The following C11orf65 variants were observed in gnomAD, a reference collection of about 807,000 sequenced individuals.
C11orf65 encodes protein MFI.
In C11orf65, 38 loss-of-function variants were observed where a neutral mutation model predicts 35.3. The observed-to-expected ratio is 1.08, with a 90% CI of 0.83 to 1.41. The LOEUF is 1.41. Ranked by LOEUF, C11orf65 falls within the 40% of genes most tolerant of loss-of-function variation. The probability of loss-of-function intolerance (pLI) is 0.00; values close to 1 mark genes in which losing one functional copy is unlikely to be tolerated. For synonymous variants in C11orf65, 105 were observed against 114.4 expected (o/e 0.92, Z 0.53); for missense variants, 370 against 367.1 (o/e 1.01, Z -0.06).
intron 2 of C11orf65, among the ~76,000 whole-genome samples, chr11:108,362,374 T>C (rs2090871908): frequency 6.6e-6 from 1 of 151,640 alleles, no homozygotes. Context: ...GTTCAACCAT[T>C]GTGGAAGTCA....
intron 2 of C11orf65, among the ~76,000 whole-genome samples, chr11:108,361,798 C>T (rs1454996595): frequency 2.6e-5 from 4 of 152,126 alleles, no homozygotes; most frequent in Middle Eastern, 3.2e-3. Context: ...AAAATTAACT[C>T]AAGATGGATT....
chr11:108,422,474 C>T (rs1280276420), intron 3 of C11orf65, among the ~76,000 whole-genome samples: 5 of 152,182 alleles, frequency 3.3e-5, no homozygotes, highest in African/African-American at 7.2e-5. Flanking sequence ...CAGACCAATA[C>T]ATAAATGGCC....
chr11:108,462,639 A>G (rs2093485847), intron 1 of C11orf65: 1 of 152,160 alleles, frequency 6.6e-6, no homozygotes, highest in Admixed American at 6.6e-5. Flanking sequence ...CTAAAATTAG[A>G]CCTTATGTGG....
chr11:108,337,507 C>T (rs2136749894), intron 2 of C11orf65, among the ~76,000 whole-genome samples: 1 of 152,284 alleles, frequency 6.6e-6, no homozygotes, highest in East Asian at 1.9e-4. Context: ...GATCCCCATT[C>T]TTAGAATTTC....
At chr11:108,382,143 A>G (rs1441407908), downstream of C11orf65, among the ~76,000 whole-genome samples, 1 of 152,192 alleles carries the variant, frequency 6.6e-6, no homozygotes, top group Admixed American at 6.5e-5. Flanking sequence ...ACCTCCTGCG[A>G]GACTTCAAGC....
At chr11:108,392,143 C>T (rs2092178711) in intron 7 of C11orf65, among the ~76,000 whole-genome samples, 1 of 151,966 alleles carries the variant, frequency 6.6e-6, no homozygotes, top group Admixed American at 6.6e-5. Flanking sequence ...TACGTCCTGG[C>T]TCAAGAGAAC....
At chr11:108,319,818 C>T in intron 6 of C11orf65, 1 of 653,820 alleles carries the variant, frequency 1.5e-6, no homozygotes, top group Non-Finnish European at 2.7e-6. Context: ...TATTTCTTAC[C>T]AAAAATTCTA....
At position 108,335,857 on chromosome 11, in the gene C11orf65, C is replaced by T. The variant is rs587782399; in HGVS notation, c.227-565G>A. 2 of 1,613,596 alleles carry T rather than the reference C, an allele frequency of 1.2e-6. No homozygotes were observed. The highest frequency in any genetic ancestry group is 4.5e-5 in the East Asian group (2 of 44,854). ...AATTATTCTGAAGGGCCGTGATGAC[C>T]TGAGACAAGATGCTGTCATGCAACA... On this transcript the variant is annotated intron_variant, in intron 2 of 3. Transcript: ENST00000524755.
chr11:108,418,178 C>A (rs1300882870), intron 3 of C11orf65, among the ~76,000 whole-genome samples: 1 of 152,080 alleles, frequency 6.6e-6, no homozygotes, highest in Admixed American at 6.6e-5. Flanking sequence ...ACATATCTCT[C>A]AGTAACTGAT....
downstream of C11orf65, chr11:108,331,225 A>G: frequency 8.0e-7 from 1 of 1,249,316 alleles, no homozygotes; most frequent in Non-Finnish European, 1.0e-6. Flanking sequence ...AGTTTAATTT[A>G]GGACCAAATA....
At chr11:108,362,804 TG>T (rs1232736454) in intron 2 of C11orf65, among the ~76,000 whole-genome samples, 4 of 74,972 alleles carry the variant, frequency 5.3e-5, no homozygotes, top group Non-Finnish European at 4.9e-5. Context: ...TGTGGTGGGG[TG>T]GGGGGCGGGG....
chr11:108,382,562 CAG>C (rs1222318270), downstream of C11orf65, among the ~76,000 whole-genome samples: 1 of 150,976 alleles, frequency 6.6e-6, no homozygotes, highest in Non-Finnish European at 1.5e-5. Context: ...AGTAAGCAGA[CAG>C]AGAATCAAGA....
chr11:108,417,123 C>G (rs977589579), intron 3 of C11orf65, among the ~76,000 whole-genome samples: 4 of 152,108 alleles, frequency 2.6e-5, no homozygotes, highest in Admixed American at 6.5e-5. Context: ...CTGAGACATA[C>G]AGAGAGTAAA....
At chr11:108,325,993 TTA>T in intron 6 of C11orf65, 2 of 1,562,288 alleles carry the variant, frequency 1.3e-6, no homozygotes, top group Admixed American at 1.7e-5. Flanking sequence ...TTCATTATTA[TTA>T]TTATTCATGG....
intron 2 of C11orf65, among the ~76,000 whole-genome samples, chr11:108,436,155 A>C (rs1478955384): frequency 1.3e-5 from 2 of 152,098 alleles, no homozygotes; most frequent in African/African-American, 4.8e-5. Context: ...TAATGAGCCA[A>C]GGATGCGGGC....
intron 6 of C11orf65, among the ~76,000 whole-genome samples, chr11:108,318,464 T>G (rs1403290572): frequency 6.6e-6 from 1 of 152,072 alleles, no homozygotes; most frequent in Non-Finnish European, 1.5e-5. Context: ...CTGAGGCAGA[T>G]GGATCACTTG....
At chr11:108,466,433 G>A (rs573050227) in intron 1 of C11orf65, among the ~76,000 whole-genome samples, 5 of 152,206 alleles carry the variant, frequency 3.3e-5, no homozygotes, top group Admixed American at 3.3e-4. Flanking sequence ...AATAAACTGG[G>A]TGTGGTGGCG....
intron 2 of C11orf65, among the ~76,000 whole-genome samples, chr11:108,373,960 G>C (rs1246644154): frequency 6.6e-6 from 1 of 152,248 alleles, no homozygotes. Flanking sequence ...CAAGGCTGCA[G>C]CGAGGCTGGC....
chr11:108,325,236 C>G (rs4988103), intron 6 of C11orf65: 239 of 1,031,376 alleles, frequency 2.3e-4, no homozygotes, highest in Non-Finnish European at 3.1e-4. Flanking sequence ...TCGTAAGTTC[C>G]AGAACTTACA....
Sources: gnomAD v4.1 joint callset for allele counts (sites outside exome capture counted in the v4.1 genomes callset) on GRCh38, gnomAD v4.1.1 for gene constraint, MANE v1.5 for transcripts, NCBI Gene and HGNC (gene_info 2026-07-23, HGNC 2026-07-21) for gene names.